The following RFTN1 variants were observed in gnomAD, a reference collection of about 807,000 sequenced individuals.
The protein encoded by RFTN1 is raftlin.
In RFTN1, 26 loss-of-function variants were observed where a neutral mutation model predicts 46.5. The ratio of observed to expected loss-of-function variants is 0.56; its 90% CI spans 0.41 to 0.78. The LOEUF (loss-of-function observed/expected upper bound fraction) is 0.78, where lower values mean the gene tolerates loss of function less well. Ranked by LOEUF, RFTN1 falls within the 30% of genes least tolerant of loss-of-function variation. RFTN1 has a pLI of 0.00. For missense variants in RFTN1, 693 were observed against 718.7 expected (o/e 0.96, Z 0.41); for synonymous variants, 261 against 284.2 (o/e 0.92, Z 0.82).
intron 4 of RFTN1, among the ~76,000 whole-genome samples, chr3:16,396,537 C>A (rs2074473515): frequency 6.6e-6 from 1 of 152,172 alleles, no homozygotes; most frequent in Non-Finnish European, 1.5e-5. Flanking sequence ...GGCAGAAGTG[C>A]CGAGCACGTC....
At position 16,482,603 on chromosome 3, in the gene RFTN1, G is replaced by A. The variant is rs532589419; in HGVS notation, c.145+11122C>T. 98 of 758,964 alleles carry A rather than the reference G, an allele frequency of 1.3e-4. 1 individual carries two copies. The highest frequency in any genetic ancestry group is 6.5e-4 in the South Asian group (44 of 67,824). 47.0% of individuals were successfully genotyped at this position (758,964 alleles called of 1,614,324 possible). A position where few individuals can be genotyped will look rare whatever the true frequency, so the allele number is the denominator to read the frequency against. On this transcript the variant is annotated intron_variant, in intron 2 of 9. Coordinates refer to ENST00000334133, the MANE Select transcript of RFTN1 (RefSeq NM_015150.2). ...CATCACACATTCGTTGCAGAACCACGGGCACATTAGGTAACCTCACTGAGC... is the reference window on the plus strand; with the variant it reads ...CATCACACATTCGTTGCAGAACCACAGGCACATTAGGTAACCTCACTGAGC...
In RFTN1 at chr3:16,387,223, AAGG is replaced by A. The variant is rs1198365550; in HGVS notation, c.442-9124_442-9122del. On this transcript the variant is annotated intron_variant, in intron 4 of 9. Coordinates refer to ENST00000334133, the MANE Select transcript of RFTN1 (RefSeq NM_015150.2). The surrounding 1 kb of genome is among the most constrained non-coding windows in gnomAD (Gnocchi z 5.2). ...ATCCATCCAGTCCACCCAGGGCCAC[AAGG>A]AGGAGGGCTCAAGGTCTCCCGCCAA... Among the ~76,000 whole-genome samples, 2 of 152,152 alleles carry A rather than the reference AAGG, an allele frequency of 1.3e-5. No individual in the cohort carries two copies. The highest frequency in any genetic ancestry group is 2.9e-5 in the Non-Finnish European group (2 of 68,020).
intron 4 of RFTN1, among the ~76,000 whole-genome samples, chr3:16,398,065 T>G (rs1349762957): frequency 6.6e-6 from 1 of 151,624 alleles, no homozygotes; most frequent in East Asian, 1.9e-4. Context: ...CCCAAAATGG[T>G]GAAACCCCGT....
In RFTN1 at chr3:16,361,538, A is replaced by C. The variant is rs2072832108; in HGVS notation, c.1031-3491T>G. Among the ~76,000 whole-genome samples the C allele has an allele frequency of 1.3e-5, 2 of 152,130 alleles. No homozygotes were observed. Among genetic ancestry groups the C allele is most frequent in the Non-Finnish European group, 2.9e-5 (2 of 68,022 alleles). ...AGGGTAGGGCTCCCCACTTCGAGTG[A>C]ACTAAGCAAGCAAGGAACATGGATC... On this transcript the variant is annotated intron_variant, in intron 6 of 9. Transcript: ENST00000334133. This position sits in a 1 kb window ranked among gnomAD's most constrained non-coding sequence, Gnocchi z 4.3.
chr3:16,475,684 A>G lies in RFTN1; in HGVS notation c.145+18041T>C, dbSNP rs1272459414. 6.6e-6 allele frequency among the ~76,000 whole-genome samples: 1 copy of G among 152,200 alleles called. No individual in the cohort carries two copies. The highest frequency in any genetic ancestry group is 1.5e-5 in the Non-Finnish European group (1 of 68,028). ...AATGGAAAACTAAAGCAACTAACAG[A>G]CACACAGAGAGAATCACTGAGGATT... On this transcript the variant is annotated intron_variant, in intron 2 of 9. Transcript: ENST00000334133. The surrounding 1 kb of genome is among the most constrained non-coding windows in gnomAD (Gnocchi z 4.2).
chr3:16,387,640 A>G lies in RFTN1; in HGVS notation c.442-9538T>C, dbSNP rs1350924416. Among the ~76,000 whole-genome samples, 1 of 145,200 alleles carries G rather than the reference A, an allele frequency of 6.9e-6. No homozygotes were observed. The highest frequency in any genetic ancestry group is 1.5e-5 in the Non-Finnish European group (1 of 66,962). On this transcript the variant is annotated intron_variant, in intron 4 of 9. Coordinates refer to ENST00000334133, the MANE Select transcript of RFTN1 (RefSeq NM_015150.2). The surrounding 1 kb of genome is among the most constrained non-coding windows in gnomAD (Gnocchi z 5.2). The stretch of plus-strand genomic sequence containing the variant: ...GGCTCCTTCCACTCAGCATACAACT[A>G]AATTCAAGTTATCTTTTTTTAAAAG...
In RFTN1 at chr3:16,351,295, C is replaced by T. The variant is rs2072085713; in HGVS notation, c.1146+6637G>A. Among the ~76,000 whole-genome samples, 1 of 152,144 alleles carries T rather than the reference C, an allele frequency of 6.6e-6. No homozygotes were observed. The highest frequency in any genetic ancestry group is 1.5e-5 in the Non-Finnish European group (1 of 68,024). On this transcript the variant is annotated intron_variant, in intron 7 of 9. Transcript: ENST00000334133. This position sits in a 1 kb window ranked among gnomAD's most constrained non-coding sequence, Gnocchi z 5.4. Reference sequence around the variant, plus strand: ...GATCCAGTCTGTTTGCCATTGAGACCAGTCAGGAGCCTCCATACATATGAA... The same window carrying T: ...GATCCAGTCTGTTTGCCATTGAGACTAGTCAGGAGCCTCCATACATATGAA...
chr3:16,414,560 C>T (rs540899325), intron 3 of RFTN1, among the ~76,000 whole-genome samples: 124 of 148,990 alleles, frequency 8.3e-4, no homozygotes, highest in Non-Finnish European at 1.5e-3. Flanking sequence ...GCCAAGATCA[C>T]ACCACTGCAC....
At position 16,422,942 on chromosome 3, in the gene RFTN1, G is replaced by A. The variant is rs997763869; in HGVS notation, c.332+10909C>T. Among the ~76,000 whole-genome samples the A allele has an allele frequency of 6.6e-5, 10 of 152,056 alleles. No individual in the cohort carries two copies. The highest frequency in any genetic ancestry group is 2.4e-4 in the African/African-American group (10 of 41,390). On this transcript the variant is annotated intron_variant, in intron 3 of 9. Transcript: ENST00000334133. This position sits in a 1 kb window ranked among gnomAD's most constrained non-coding sequence, Gnocchi z 4.6. The stretch of plus-strand genomic sequence containing the variant: ...AGCACTTTGGGAGGCCGAAGTGGGT[G>A]GATCATGAGGTCAGGAGATCGAGAC...
At chr3:16,332,335 G>A (rs1002756100) in intron 7 of RFTN1, among the ~76,000 whole-genome samples, 2 of 87,350 alleles carry the variant, frequency 2.3e-5, no homozygotes, top group Non-Finnish European at 4.9e-5. Context: ...CCTTCATTTT[G>A]TCTTCCAACT....
chr3:16,340,770 C>T (rs1391663301), intron 7 of RFTN1, among the ~76,000 whole-genome samples: 2 of 152,148 alleles, frequency 1.3e-5, no homozygotes, highest in Admixed American at 6.5e-5. Flanking sequence ...TTCTGAACAA[C>T]ATCAAGAATT....
At chr3:16,391,786 G>A (rs2074345570) in intron 4 of RFTN1, among the ~76,000 whole-genome samples, 1 of 150,400 alleles carries the variant, frequency 6.6e-6, no homozygotes, top group South Asian at 2.1e-4. Flanking sequence ...TCATTTAAAA[G>A]CTGGATTGAC....
chr3:16,321,767 G>GA lies in RFTN1; in HGVS notation c.1332+1608dup, dbSNP rs768977943. Among the ~76,000 whole-genome samples the GA allele has an allele frequency of 3.9e-5, 6 of 152,288 alleles. No individual in the cohort carries two copies. Among genetic ancestry groups the GA allele is most frequent in the African/African-American group, 7.2e-5 (3 of 41,560 alleles). On this transcript the variant is annotated intron_variant, in intron 9 of 9. Transcript: ENST00000334133. The surrounding 1 kb of genome is among the most constrained non-coding windows in gnomAD (Gnocchi z 4.8). ...TTGGGATTAGAAGTTTTTACTGACT[G>GA]AAAAAACAGTGGGTCCCATCCTCTC...
rs1279875466 is a variant in RFTN1 at position 16,384,322 on chromosome 3, A to T, written c.442-6220T>A. Among the ~76,000 whole-genome samples, 1 of 152,236 alleles carries T rather than the reference A, an allele frequency of 6.6e-6. No individual in the cohort carries two copies. Among genetic ancestry groups the T allele is most frequent in the Non-Finnish European group, 1.5e-5 (1 of 68,044 alleles). On this transcript the variant is annotated intron_variant, in intron 4 of 9. Coordinates refer to ENST00000334133, the MANE Select transcript of RFTN1 (RefSeq NM_015150.2). This position sits in a 1 kb window ranked among gnomAD's most constrained non-coding sequence, Gnocchi z 4.7. ...TTCCCACCAGGAGGTAGGGGAAAAT[A>T]AGATAGCACAGGGCAAGTTGATGGA...
At chr3:16,434,392 A>G (rs2075458450) in intron 2 of RFTN1, among the ~76,000 whole-genome samples, 1 of 120,662 alleles carries the variant, frequency 8.3e-6, no homozygotes, top group South Asian at 2.3e-4. Context: ...AAACAAACAA[A>G]CAAAAACAAA....
Position 16,429,306 on chromosome 3 carries a change from T to C in RFTN1, c.332+4545A>G, listed in dbSNP as rs1421611914. On this transcript the variant is annotated intron_variant, in intron 3 of 9. Coordinates refer to ENST00000334133, the MANE Select transcript of RFTN1 (RefSeq NM_015150.2). The surrounding 1 kb of genome is among the most constrained non-coding windows in gnomAD (Gnocchi z 6.4). ...GAGAACTACTTTTGGAATGACTCAT[T>C]AATAATTTAGTTAGACTGTCAACGA... 6.6e-5 allele frequency among the ~76,000 whole-genome samples: 10 copies of C among 152,242 alleles called. No individual in the cohort carries two copies. The highest frequency in any genetic ancestry group is 8.8e-5 in the Non-Finnish European group (6 of 68,044).
rs1013260663 is a variant in RFTN1, at chr3:16,509,369, T to A, written c.-9+4073A>T. Among the ~76,000 whole-genome samples the A allele has an allele frequency of 4.6e-5, 7 of 152,196 alleles. No homozygotes were observed. Among genetic ancestry groups the A allele is most frequent in the Non-Finnish European group, 1.0e-4 (7 of 68,040 alleles). On this transcript the variant is annotated intron_variant, in intron 1 of 9. Transcript: ENST00000334133. The surrounding 1 kb of genome is among the most constrained non-coding windows in gnomAD (Gnocchi z 4.9). ...AACCAGAATGTCACAGTCTCTTCCCTTAAGGTCTTAGAAAAATGAAAACGT... is the reference window on the plus strand; with the variant it reads ...AACCAGAATGTCACAGTCTCTTCCCATAAGGTCTTAGAAAAATGAAAACGT...
chr3:16,425,697 C>G lies in RFTN1; in HGVS notation c.332+8154G>C, dbSNP rs2075276197. On this transcript the variant is annotated intron_variant, in intron 3 of 9. Coordinates refer to ENST00000334133, the MANE Select transcript of RFTN1 (RefSeq NM_015150.2). The surrounding 1 kb of genome is among the most constrained non-coding windows in gnomAD (Gnocchi z 4.3). ...AATTCTTTCCCCCAAGAGAAGGTGG[C>G]TTTACGCTGGCATATGAGATTGAAA... Among the ~76,000 whole-genome samples, 1 of 152,078 alleles carries G rather than the reference C, an allele frequency of 6.6e-6. No homozygotes were observed. The highest frequency in any genetic ancestry group is 1.5e-5 in the Non-Finnish European group (1 of 68,020).
Position 16,427,999 on chromosome 3 carries a change from G to A in RFTN1, c.332+5852C>T, listed in dbSNP as rs377171740. 6.6e-6 allele frequency among the ~76,000 whole-genome samples: 1 copy of A among 151,538 alleles called. No homozygotes were observed. Among genetic ancestry groups the A allele is most frequent in the East Asian group, 1.9e-4 (1 of 5,192 alleles). Reference sequence around the variant, plus strand: ...AACCAAGACCTGTAGACTTACCTGGGCAATTATATAATTTGCACATATATT... The same window carrying A: ...AACCAAGACCTGTAGACTTACCTGGACAATTATATAATTTGCACATATATT... On this transcript the variant is annotated intron_variant, in intron 3 of 9. Coordinates refer to ENST00000334133, the MANE Select transcript of RFTN1 (RefSeq NM_015150.2). The surrounding 1 kb of genome is among the most constrained non-coding windows in gnomAD (Gnocchi z 5.4).
Sources: gnomAD v4.1 joint callset for allele counts (sites outside exome capture counted in the v4.1 genomes callset) on GRCh38, gnomAD v4.1.1 for gene constraint, Gnocchi (gnomAD v3.1) non-coding constraint, MANE v1.5 for transcripts, NCBI Gene and HGNC (gene_info 2026-07-23, HGNC 2026-07-21) for gene names.